Variants in SCARA3 observed in about 807,000 individuals in gnomAD.
The protein encoded by SCARA3 is scavenger receptor class A member 3.
Under a neutral mutation model 47.0 loss-of-function variants are expected in SCARA3, and 39 were observed. The observed-to-expected ratio is 0.83, with a 90% CI of 0.64 to 1.08. The LOEUF (loss-of-function observed/expected upper bound fraction) is 1.08, where lower values mean the gene tolerates loss of function less well. SCARA3 is among the 50% of genes least tolerant of loss of function. The pLI is 0.00. For synonymous variants in SCARA3, 356 were observed against 334.1 expected (o/e 1.07, Z -0.71); for missense variants, 724 against 792.3 (o/e 0.91, Z 1.04).
chr8:27,671,262 G>T lies in SCARA3; in HGVS notation c.1732G>T (p.Ala578Ser). The change falls in exon 6 of 6, where the codon GCC (alanine) becomes TCC (serine). Residue 578 changes from alanine (A) to serine (S), a missense_variant. By Grantham distance (99) the Ala-to-Ser change is moderately conservative. Transcript: ENST00000301904. ...GACAGGGTCACCAGGCCAGCGGGGG[G>T]CCATGGGGCCTAAGGGTGAACCAGG... The part of the protein sequence containing the change: ...GKTGSPGQRG[A>S]MGPKGEPGIQ... 2 of 1,481,148 alleles carry T rather than the reference G, an allele frequency of 1.4e-6. No homozygotes were observed. The highest frequency in any genetic ancestry group is 2.0e-4 in the Middle Eastern group (1 of 5,024). The allele number at this position is 1,481,148 out of a possible 1,614,324, so 91.8% of individuals were successfully genotyped here. A position where few individuals can be genotyped will look rare whatever the true frequency, so the allele number is the denominator to read the frequency against.
chr8:27,640,019 G>A (rs763947356), intron 1 of SCARA3, among the ~76,000 whole-genome samples: 12 of 151,946 alleles, frequency 7.9e-5, no homozygotes, highest in East Asian at 3.9e-4. Context: ...GGGATGGCCC[G>A]TGCTCATTGG....
chr8:27,654,758 C>G (rs1474776739), intron 3 of SCARA3, among the ~76,000 whole-genome samples: 2 of 148,740 alleles, frequency 1.3e-5, no homozygotes, highest in South Asian at 4.2e-4. Flanking sequence ...CTGCTGCACT[C>G]CAGCCTGGGT....
the SCARA3 span, among the ~76,000 whole-genome samples, chr8:27,710,011 A>G: frequency 6.6e-6 from 1 of 152,152 alleles, no homozygotes; most frequent in East Asian, 1.9e-4. Context: ...GGGGCGGATC[A>G]TGAGGTCAGG....
intron 1 of SCARA3, among the ~76,000 whole-genome samples, chr8:27,646,541 T>C (rs1801496515): frequency 6.6e-6 from 1 of 152,092 alleles, no homozygotes; most frequent in Non-Finnish European, 1.5e-5. Context: ...GAGGAGCTCA[T>C]CAAGGATGGA....
chr8:27,722,263 C>T, the SCARA3 span, among the ~76,000 whole-genome samples: 707 of 152,220 alleles, frequency 4.6e-3, 6 homozygotes, highest in African/African-American at 0.016. Context: ...GAAAAGCTTG[C>T]AAGTATTGTG....
chr8:27,668,520 C>A (rs939294644), intron 5 of SCARA3, among the ~76,000 whole-genome samples: 1 of 137,362 alleles, frequency 7.3e-6, no homozygotes, highest in African/African-American at 2.6e-5. Context: ...GCAGTCCGGC[C>A]TGGGCGACAG....
chr8:27,711,440 C>T, the SCARA3 span, among the ~76,000 whole-genome samples: 1 of 152,204 alleles, frequency 6.6e-6, no homozygotes, highest in Non-Finnish European at 1.5e-5. Flanking sequence ...CTGAATTCCT[C>T]TGAACCAACC....
intron 1 of SCARA3, among the ~76,000 whole-genome samples, chr8:27,635,034 C>A (rs755887972): frequency 1.3e-5 from 2 of 152,332 alleles, no homozygotes; most frequent in African/African-American, 2.4e-5. Flanking sequence ...CCTCCTGTAA[C>A]ACCCCCAGCA....
intron 1 of SCARA3, among the ~76,000 whole-genome samples, chr8:27,642,222 G>T (rs551953715): frequency 6.6e-6 from 1 of 152,188 alleles, no homozygotes; most frequent in African/African-American, 2.4e-5. Context: ...CTGATTTCTT[G>T]TAAGTTGGAA....
At chr8:27,670,696 G>C (rs188798094) in intron 5 of SCARA3, among the ~76,000 whole-genome samples, 5 of 152,120 alleles carry the variant, frequency 3.3e-5, no homozygotes, top group Non-Finnish European at 7.4e-5. Context: ...CAGTGTGTGT[G>C]CGGAGCTTCT....
intron 4 of SCARA3, 28 bp downstream of exon 4, chr8:27,656,908 G>T (rs764428412): frequency 7.1e-7 from 1 of 1,414,794 alleles, no homozygotes; most frequent in East Asian, 2.3e-5. Context: ...TGACTGTGAT[G>T]CAGTGATCTT....
the SCARA3 span, among the ~76,000 whole-genome samples, chr8:27,700,677 T>C: frequency 6.6e-6 from 1 of 151,864 alleles, no homozygotes; most frequent in Admixed American, 6.6e-5. Context: ...TGAATGACCA[T>C]GTAAGCACAT....
chr8:27,651,346 G>A (rs1253706952), intron 2 of SCARA3, among the ~76,000 whole-genome samples, 162 bp from the exon 3 acceptor site: 3 of 152,234 alleles, frequency 2.0e-5, no homozygotes, highest in Non-Finnish European at 4.4e-5. Context: ...AGCACCTAGA[G>A]AAAGGAGGTA....
the SCARA3 span, among the ~76,000 whole-genome samples, chr8:27,711,078 A>G: frequency 5.3e-5 from 8 of 151,980 alleles, no homozygotes; most frequent in Non-Finnish European, 1.0e-4. Context: ...ATCTGCCACC[A>G]CGCCCGACTA....
the SCARA3 span, among the ~76,000 whole-genome samples, chr8:27,691,143 T>G: frequency 5.3e-5 from 8 of 152,202 alleles, no homozygotes; most frequent in Non-Finnish European, 1.0e-4. Flanking sequence ...TTTGTGAAAT[T>G]TAAGCAATCA....
In SCARA3 at chr8:27,671,807, A is replaced by G; in HGVS notation, c.*456A>G. ...ACTGCACACATATCCATGCACACAAACACATATATACACATGCACATACAC... is the reference window on the plus strand; with the variant it reads ...ACTGCACACATATCCATGCACACAAGCACATATATACACATGCACATACAC... On this transcript the variant is annotated 3_prime_UTR_variant, in exon 6 of 6. Coordinates refer to ENST00000301904, the MANE Select transcript of SCARA3 (RefSeq NM_016240.3). 1 of 987,314 alleles carries G rather than the reference A, an allele frequency of 1.0e-6. No homozygotes were observed. Among genetic ancestry groups the G allele is most frequent in the South Asian group, 4.7e-5 (1 of 21,304 alleles). 61.2% of individuals were successfully genotyped at this position (987,314 alleles called of 1,614,324 possible).
the SCARA3 span, among the ~76,000 whole-genome samples, chr8:27,711,872 T>C: frequency 6.6e-6 from 1 of 152,170 alleles, no homozygotes; most frequent in African/African-American, 2.4e-5. Flanking sequence ...CCCACCACAG[T>C]GGTGTGTTTG....
intron 1 of SCARA3, among the ~76,000 whole-genome samples, chr8:27,636,642 C>G (rs575939551): frequency 2.0e-5 from 3 of 152,172 alleles, no homozygotes; most frequent in African/African-American, 4.8e-5. Flanking sequence ...CCCTTGGATC[C>G]CACAGCCTCT....
chr8:27,732,549 A>G, the SCARA3 span, among the ~76,000 whole-genome samples: 1 of 152,270 alleles, frequency 6.6e-6, no homozygotes, highest in African/African-American at 2.4e-5. Context: ...TGATAAACCC[A>G]GGTTAAAAGA....
Sources: allele counts gnomAD v4.1 joint callset (sites outside exome capture counted in the v4.1 genomes callset), GRCh38; gene constraint gnomAD v4.1.1; transcripts MANE v1.5; gene names NCBI Gene and HGNC (gene_info 2026-07-23, HGNC 2026-07-21).